The following ZNF488 variants were observed in gnomAD, a reference collection of about 807,000 sequenced individuals.
The protein encoded by ZNF488 is zinc finger protein 488.
In ZNF488, 1 loss-of-function variant was observed where a neutral mutation model predicts 1.2. That is an observed-to-expected ratio of 0.86 (90% CI 0.30 to 4.07). The LOEUF (loss-of-function observed/expected upper bound fraction) is 4.07. ZNF488 is among the 30% of genes most tolerant of loss of function. The pLI is 0.18. For missense variants in ZNF488, 450 were observed against 437.9 expected (o/e 1.03, Z -0.25); for synonymous variants, 185 against 190.1 (o/e 0.97, Z 0.22).
Position 47,367,753 on chromosome 10 carries a change from C to T in ZNF488, c.*54G>A, listed in dbSNP as rs782516776. The T allele has an allele frequency of 4.5e-6, 7 of 1,551,542 alleles. No homozygotes were observed. The highest frequency in any genetic ancestry group is 6.1e-6 in the Non-Finnish European group (7 of 1,149,226). ...CCCCTCAACGCAGGCCCAGGGAGCC[C>T]CCCTCTGCCAAAGGCTGGCTGCTGC... On this transcript the variant is annotated 3_prime_UTR_variant, in exon 2 of 2. Transcript: ENST00000585316.
chr10:47,369,147 A>C (rs1837366874), intron 1 of ZNF488, among the ~76,000 whole-genome samples: 1 of 152,218 alleles, frequency 6.6e-6, no homozygotes, highest in South Asian at 2.1e-4. Context: ...GTAGGGACTG[A>C]GGTCTCTGCT....
chr10:47,373,735 A>G (rs1837566341), intron 1 of ZNF488, among the ~76,000 whole-genome samples: 1 of 152,226 alleles, frequency 6.6e-6, no homozygotes, highest in Admixed American at 6.5e-5. Flanking sequence ...CCCAAGATGG[A>G]GAGAGGCAAA....
At chr10:47,370,251 G>A (rs765326656) in intron 1 of ZNF488, among the ~76,000 whole-genome samples, 3 of 152,244 alleles carry the variant, frequency 2.0e-5, no homozygotes, top group African/African-American at 2.4e-5. Flanking sequence ...AGGCGCAGGT[G>A]GGGAAACCAC....
At position 47,368,914 on chromosome 10, in the gene ZNF488, C is replaced by A; in HGVS notation, c.-85G>T. 6.8e-7 allele frequency: 1 copy of A among 1,478,470 alleles called. No individual in the cohort carries two copies. The allele number at this position is 1,478,470 out of a possible 1,614,324, so 91.6% of individuals were successfully genotyped here. A position where few individuals can be genotyped will look rare whatever the true frequency, so the allele number is the denominator to read the frequency against. ...TATGGAAGCTCCCCATGACACTGGG[C>A]TGGACACACTCGGCCACAGGGCCCT... On this transcript the variant is annotated 5_prime_UTR_variant, in exon 2 of 2. Transcript: ENST00000585316.
Position 47,368,027 on chromosome 10 carries a change from GA to G in ZNF488, c.802del (p.Ser268ProfsTer19), listed in dbSNP as rs782355186. 3.1e-6 allele frequency: 5 copies of G among 1,614,166 alleles called. No homozygotes were observed. In the Admixed American group the frequency reaches 8.3e-5, roughly 27 times the overall value. ...CCAGTTCTGGGTGGACAAGCCCAGGGAGGTGAGGGTGGGTGGCAGGAGGGCC... is the reference window on the plus strand; with the variant it reads ...CCAGTTCTGGGTGGACAAGCCCAGGGGGTGAGGGTGGGTGGCAGGAGGGCC... ...SWALLPPTLTSLGLSTQNWCA... is the reference protein window; with the variant it reads ...SWALLPPTLTXLGLSTQNWCA... On this transcript the variant is annotated frameshift_variant, in exon 2 of 2. Transcript: ENST00000585316. LOFTEE classifies it low-confidence loss of function (END_TRUNC).
chr10:47,368,955 G>T lies in ZNF488; in HGVS notation c.-108-18C>A. 4 of 1,140,652 alleles carry T rather than the reference G, an allele frequency of 3.5e-6. No individual in the cohort carries two copies. Among genetic ancestry groups the T allele is most frequent in the Non-Finnish European group, 4.9e-6 (4 of 810,206 alleles). The allele number at this position is 1,140,652 out of a possible 1,614,324, so 70.7% of individuals were successfully genotyped here. A position where few individuals can be genotyped will look rare whatever the true frequency, so the allele number is the denominator to read the frequency against. On this transcript the variant is annotated intron_variant, in intron 1 of 1. Coordinates refer to ENST00000585316, the MANE Select transcript of ZNF488 (RefSeq NM_153034.4). ...ACAGGGCCCTGCAGAGAGAGGAAGC[G>T]ACAGGCAGTGAGATGGGCATTCATC...
At chr10:47,376,675 G>A (rs1465786711) in intron 1 of ZNF488, among the ~76,000 whole-genome samples, 3 of 152,170 alleles carry the variant, frequency 2.0e-5, no homozygotes, top group Admixed American at 6.5e-5. Context: ...GGCTGAGGCA[G>A]TCACACTATG....
At chr10:47,373,581 C>T (rs894662343) in intron 1 of ZNF488, among the ~76,000 whole-genome samples, 1 of 152,112 alleles carries the variant, frequency 6.6e-6, no homozygotes. Flanking sequence ...CCACCTCACC[C>T]GGCCCATGTC....
At chr10:47,375,099 C>A (rs1475219814) in intron 1 of ZNF488, among the ~76,000 whole-genome samples, 4 of 152,210 alleles carry the variant, frequency 2.6e-5, no homozygotes, top group African/African-American at 4.8e-5. Flanking sequence ...TCTCTGCCTG[C>A]AACTTGATTT....
At position 47,367,662 on chromosome 10, in the gene ZNF488, A is replaced by C. The variant is rs543614609; in HGVS notation, c.*145T>G. On this transcript the variant is annotated 3_prime_UTR_variant, in exon 2 of 2. Transcript: ENST00000585316. ...CACATCATGCAGGTGTGGCTTTTTC[A>C]AATTATGCCTGAGCTGTTTATCTAT... 1.1e-6 allele frequency: 1 copy of C among 923,614 alleles called. No individual in the cohort carries two copies. Among genetic ancestry groups the C allele is most frequent in the Admixed American group, 2.9e-5 (1 of 34,604 alleles). 57.2% of individuals were successfully genotyped at this position (923,614 alleles called of 1,614,324 possible). A position where few individuals can be genotyped will look rare whatever the true frequency, so the allele number is the denominator to read the frequency against.
At position 47,368,204 on chromosome 10, in the gene ZNF488, G is replaced by A. The variant is rs369562832; in HGVS notation, c.626C>T (p.Thr209Ile). The part of the protein sequence containing the change: ...TDLACWGRLS[T>I]PKLLVGDLWN... ...CAAATCACCAACCAAAAGCTTGGGA[G>A]TTGAAAGTCGACCCCAACAAGCGAG... Residue 209 changes from threonine to isoleucine, a missense_variant, in exon 2 of 2, where the codon ACT becomes ATT. Thr to Ile is a moderately conservative substitution (Grantham distance 89). Coordinates refer to ENST00000585316, the MANE Select transcript of ZNF488 (RefSeq NM_153034.4). 37 of 1,614,110 alleles carry A rather than the reference G, an allele frequency of 2.3e-5. No homozygotes were observed. The African/African-American group carries it at 4.4e-4, about 19-fold the overall frequency.
intron 1 of ZNF488, among the ~76,000 whole-genome samples, chr10:47,369,325 G>C (rs989762139): frequency 2.6e-5 from 4 of 152,114 alleles, no homozygotes; most frequent in Non-Finnish European, 4.4e-5. Flanking sequence ...CCCTTCAGAA[G>C]TTTCTGGGTC....
chr10:47,373,315 A>AT (rs1186511587), intron 1 of ZNF488, among the ~76,000 whole-genome samples: 1 of 152,170 alleles, frequency 6.6e-6, no homozygotes, highest in Admixed American at 6.5e-5. Flanking sequence ...ACGGCACTGT[A>AT]TTTTCTTCAC....
intron 1 of ZNF488, among the ~76,000 whole-genome samples, chr10:47,377,581 G>C (rs1555214564): frequency 6.8e-6 from 1 of 147,018 alleles, no homozygotes; most frequent in African/African-American, 2.5e-5. Flanking sequence ...GCCACCCAGA[G>C]ATGCCGGCAA....
intron 1 of ZNF488, among the ~76,000 whole-genome samples, chr10:47,382,957 T>C (rs1336458707): frequency 2.6e-5 from 4 of 152,224 alleles, no homozygotes; most frequent in Non-Finnish European, 4.4e-5. Flanking sequence ...ATATATATTA[T>C]GTATTTGTGT....
At chr10:47,373,063 C>A in intron 1 of ZNF488, among the ~76,000 whole-genome samples, 1 of 152,208 alleles carries the variant, frequency 6.6e-6, no homozygotes, top group South Asian at 2.1e-4. Flanking sequence ...GGCCACTGAC[C>A]CCCATCACAC....
rs1555213078 is a variant in ZNF488 at position 47,367,967 on chromosome 10, G to T, written c.863C>A (p.Ser288Tyr). The T allele has an allele frequency of 5.6e-6, 9 of 1,614,170 alleles. No individual in the cohort carries two copies. Among genetic ancestry groups the T allele is most frequent in the Admixed American group, 1.7e-5 (1 of 60,030 alleles). Residue 288 changes from serine to tyrosine, a missense_variant, in exon 2 of 2, where the codon TCC (serine) becomes TAC (tyrosine). Physicochemically the swap from Ser to Tyr is moderately radical, Grantham distance 144. Coordinates refer to ENST00000585316, the MANE Select transcript of ZNF488 (RefSeq NM_153034.4). The part of the protein sequence containing the change: ...AKCNLSFRLT[S>Y]DLVFHMRSHH... ...GGATCGCATGTGAAAGACCAGGTCG[G>T]ACGTTAGGCGAAAGGACAGGTTGCA...
At chr10:47,371,308 G>T (rs926596406) in intron 1 of ZNF488, among the ~76,000 whole-genome samples, 2 of 152,058 alleles carry the variant, frequency 1.3e-5, no homozygotes, top group Non-Finnish European at 2.9e-5. Context: ...GGAAAAAAAA[G>T]CTTATAATAC....
At chr10:47,373,602 G>A (rs1472935496) in intron 1 of ZNF488, among the ~76,000 whole-genome samples, 1 of 152,144 alleles carries the variant, frequency 6.6e-6, no homozygotes, top group African/African-American at 2.4e-5. Flanking sequence ...AGTGCCTCAG[G>A]AACGTTCATT....
Sources: gnomAD v4.1 joint callset for allele counts (sites outside exome capture counted in the v4.1 genomes callset) on GRCh38, gnomAD v4.1.1 for gene constraint, MANE v1.5 for transcripts, NCBI Gene and HGNC (gene_info 2026-07-23, HGNC 2026-07-21) for gene names.